TPRG1: variants seen among roughly 807,000 people sequenced by gnomAD.
TPRG1 encodes tumor protein p63 regulated 1.
Under a neutral mutation model 29.3 loss-of-function variants are expected in TPRG1, and 29 were observed. The observed-to-expected ratio is 0.99, with a 90% confidence interval of 0.74 to 1.35. TPRG1 has a LOEUF of 1.35. Ranked by LOEUF, TPRG1 falls within the 40% of genes most tolerant of loss-of-function variation. The probability of loss-of-function intolerance (pLI) is 0.00; values close to 1 mark genes in which losing one functional copy is unlikely to be tolerated. For synonymous variants in TPRG1, 130 were observed against 116.8 expected (o/e 1.11, Z -0.73); for missense variants, 327 against 335.0 (o/e 0.98, Z 0.19).
At position 189,276,881 on chromosome 3, in the gene TPRG1, CT is replaced by C. The variant is rs796373618; in HGVS notation, c.480-33495del. 1.0e-4 allele frequency among the ~76,000 whole-genome samples: 15 copies of C among 148,428 alleles called. No individual in the cohort carries two copies. The South Asian group carries it at 1.1e-3, about 11-fold the overall frequency. On this transcript the variant is annotated intron_variant, in intron 4 of 5. Coordinates refer to ENST00000345063, the MANE Select transcript of TPRG1 (RefSeq NM_198485.4). ...CCTAATTTTCATTTCTTCCTCCTTT[CT>C]TTTTTTTTTAGTTAGTGGATAAAAT...
At chr3:189,206,929 T>C (rs1030345171) in intron 1 of TPRG1, among the ~76,000 whole-genome samples, 9 of 152,156 alleles carry the variant, frequency 5.9e-5, no homozygotes, top group African/African-American at 2.2e-4. Context: ...GTTAAAAACA[T>C]GTTCAGTTCT....
intron 1 of TPRG1, among the ~76,000 whole-genome samples, chr3:189,116,689 A>C (rs759131419): frequency 2.6e-5 from 4 of 152,368 alleles, no homozygotes; most frequent in Non-Finnish European, 5.9e-5. Flanking sequence ...AGTCATAAAA[A>C]GACAAATACT....
intron 2 of TPRG1, among the ~76,000 whole-genome samples, chr3:189,128,227 G>A (rs1722709578): frequency 6.6e-6 from 1 of 152,160 alleles, no homozygotes; most frequent in African/African-American, 2.4e-5. Flanking sequence ...ATGAACCTTT[G>A]TGCAGCTCTC....
chr3:189,213,705 T>C (rs926572040), intron 2 of TPRG1, among the ~76,000 whole-genome samples: 1 of 152,218 alleles, frequency 6.6e-6, no homozygotes, highest in African/African-American at 2.4e-5. Context: ...TAAGAGTTAC[T>C]TTAGGCATAT....
intron 4 of TPRG1, among the ~76,000 whole-genome samples, chr3:189,286,194 C>CT (rs1007928812): frequency 9.9e-5 from 15 of 151,548 alleles, no homozygotes; most frequent in East Asian, 9.7e-4. Flanking sequence ...ATCACTCCCT[C>CT]TTTTTTTTTA....
chr3:189,004,609 ACAGAACCCTGAATGACTGCATGGAG>A (rs1712192019), exon 3 of TPRG1: 1 of 152,188 alleles, frequency 6.6e-6, no homozygotes, highest in Non-Finnish European at 1.5e-5. Context: ...ATAAGGCACC[ACAGAACCCTGAATGACTGCATGGAG>A]CAGAACCCTT....
intron 4 of TPRG1, among the ~76,000 whole-genome samples, chr3:189,299,907 A>G (rs1415976733): frequency 6.6e-6 from 1 of 152,186 alleles, no homozygotes; most frequent in African/African-American, 2.4e-5. Context: ...TGCATGCTAG[A>G]ATTCTACTCA....
At chr3:189,157,397 C>T (rs924865411) in intron 5 of TPRG1, among the ~76,000 whole-genome samples, 3 of 152,122 alleles carry the variant, frequency 2.0e-5, no homozygotes, top group Admixed American at 6.5e-5. Flanking sequence ...CACATGTCCA[C>T]GGGACTGAGC....
At chr3:189,230,480 C>A (rs1322374536) in intron 3 of TPRG1, among the ~76,000 whole-genome samples, 1 of 152,128 alleles carries the variant, frequency 6.6e-6, no homozygotes, top group Non-Finnish European at 1.5e-5. Flanking sequence ...GGCTTCTGCC[C>A]CAATCTCCCT....
intron 4 of TPRG1, among the ~76,000 whole-genome samples, chr3:189,025,734 GC>G (rs1463129855): frequency 6.6e-6 from 1 of 152,176 alleles, no homozygotes; most frequent in African/African-American, 2.4e-5. Context: ...TCAAGCATGT[GC>G]CTGCTTTCTG....
intron 4 of TPRG1, among the ~76,000 whole-genome samples, chr3:189,067,962 A>G (rs1407451350): frequency 6.6e-6 from 1 of 152,238 alleles, no homozygotes; most frequent in Non-Finnish European, 1.5e-5. Context: ...GAGCTCAAAC[A>G]ACTCAATAGG....
chr3:189,223,791 T>G (rs755601573), intron 3 of TPRG1, among the ~76,000 whole-genome samples: 3 of 152,262 alleles, frequency 2.0e-5, no homozygotes, highest in Non-Finnish European at 4.4e-5. Context: ...ATTGCATTAC[T>G]TAATAATGTA....
At chr3:189,276,478 T>G (rs565172612) in intron 4 of TPRG1, among the ~76,000 whole-genome samples, 2 of 152,302 alleles carry the variant, frequency 1.3e-5, no homozygotes, top group African/African-American at 4.8e-5. Context: ...AATAGGCAAC[T>G]TCCCATAAAA....
intron 1 of TPRG1, among the ~76,000 whole-genome samples, chr3:189,196,026 C>T (rs973638693): frequency 5.3e-5 from 8 of 152,174 alleles, no homozygotes; most frequent in African/African-American, 1.2e-4. Flanking sequence ...CTGACATCAC[C>T]TCTCTCAGAG....
chr3:189,002,116 A>G (rs994564290), intron 2 of TPRG1, among the ~76,000 whole-genome samples: 2 of 152,194 alleles, frequency 1.3e-5, no homozygotes, highest in Non-Finnish European at 2.9e-5. Flanking sequence ...TCCTTAGCCT[A>G]GTGGGTTCTG....
chr3:189,191,158 A>G (rs1037637275), intron 1 of TPRG1, among the ~76,000 whole-genome samples: 1 of 152,194 alleles, frequency 6.6e-6, no homozygotes, highest in Admixed American at 6.5e-5. Context: ...ATATGTGCAC[A>G]TATCTTTATT....
chr3:189,202,393 A>G (rs574702929), intron 1 of TPRG1, among the ~76,000 whole-genome samples: 1 of 152,180 alleles, frequency 6.6e-6, no homozygotes, highest in Admixed American at 6.5e-5. Flanking sequence ...AAGAATGTGG[A>G]TTTGTGCCAG....
At chr3:189,297,539 C>T (rs1170516762) in intron 4 of TPRG1, among the ~76,000 whole-genome samples, 1 of 152,130 alleles carries the variant, frequency 6.6e-6, no homozygotes, top group Non-Finnish European at 1.5e-5. Context: ...CCTGGGAGCT[C>T]ATTAGATGTA....
chr3:189,220,505 G>A lies in TPRG1; in HGVS notation c.302+5122G>A, dbSNP rs144274229. 2.6e-3 allele frequency among the ~76,000 whole-genome samples: 395 copies of A among 152,230 alleles called. 1 individual carries two copies. Among genetic ancestry groups the A allele is most frequent in the African/African-American group, 9.1e-3 (377 of 41,540 alleles). ...TACAGAGGTAAAATTGTGTCATGGG[G>A]ATTTGTTGTACAGGTTATTCAATCA... On this transcript the variant is annotated intron_variant, in intron 3 of 5. Transcript: ENST00000345063.
Sources: allele counts gnomAD v4.1 joint callset (sites outside exome capture counted in the v4.1 genomes callset), GRCh38; gene constraint gnomAD v4.1.1; transcripts MANE v1.5; gene names NCBI Gene and HGNC (gene_info 2026-07-23, HGNC 2026-07-21).